Variants in PSD3 observed in about 807,000 individuals in gnomAD.
PSD3 encodes the protein pleckstrin and Sec7 domain containing 3, also known as PH and SEC7 domain-containing protein 3.
PSD3 carries 49 observed loss-of-function variants against 105.5 expected under a neutral mutation model. The ratio of observed to expected loss-of-function variants is 0.46; its 90% CI spans 0.37 to 0.59. The LOEUF (loss-of-function observed/expected upper bound fraction) is 0.59, where lower values mean the gene tolerates loss of function less well. Ranked by LOEUF, PSD3 falls within the 20% of genes least tolerant of loss-of-function variation. PSD3 has a pLI of 0.00. For synonymous variants in PSD3, 557 were observed against 457.8 expected (o/e 1.22, Z -2.77); for missense variants, 1,561 against 1,263.8 (o/e 1.24, Z -3.57).
intron 14 of PSD3, among the ~76,000 whole-genome samples, chr8:18,562,126 A>C (rs1183420315): frequency 6.6e-6 from 1 of 152,156 alleles, no homozygotes; most frequent in Non-Finnish European, 1.5e-5. Flanking sequence ...TCCATCCGCG[A>C]ACCTCACCGA....
chr8:18,734,279 C>T (rs1477465319), intron 9 of PSD3: 2 of 152,102 alleles, frequency 1.3e-5, no homozygotes, highest in African/African-American at 4.8e-5. Flanking sequence ...TTAAAAATAC[C>T]TTCATTCAAA....
chr8:19,005,239 A>T (rs1418082840), intron 1 of PSD3, among the ~76,000 whole-genome samples: 3 of 152,060 alleles, frequency 2.0e-5, no homozygotes, highest in African/African-American at 7.2e-5. Flanking sequence ...TGACCCATCT[A>T]GTCAATGGCA....
intron 1 of PSD3, among the ~76,000 whole-genome samples, chr8:18,991,517 A>G (rs1825806741): frequency 1.3e-5 from 2 of 152,114 alleles, no homozygotes; most frequent in African/African-American, 4.8e-5. Context: ...TGATAGCTGA[A>G]CCACCAGAAT....
intron 12 of PSD3, among the ~76,000 whole-genome samples, chr8:18,582,759 C>T (rs1008958943): frequency 6.6e-5 from 10 of 150,968 alleles, no homozygotes; most frequent in Admixed American, 2.0e-4. Context: ...AATCTGGTCT[C>T]TGTGTCTTTG....
At chr8:18,754,839 C>A (rs1265002744) in intron 9 of PSD3, among the ~76,000 whole-genome samples, 1 of 151,970 alleles carries the variant, frequency 6.6e-6, no homozygotes, top group Non-Finnish European at 1.5e-5. Context: ...GATATTTTGA[C>A]TATATAATTA....
intron 11 of PSD3, among the ~76,000 whole-genome samples, chr8:18,631,274 T>C (rs1297424374): frequency 2.0e-5 from 3 of 152,040 alleles, no homozygotes; most frequent in Non-Finnish European, 4.4e-5. Flanking sequence ...TATTGCTTTG[T>C]GTGCCAAGAA....
intron 9 of PSD3, among the ~76,000 whole-genome samples, chr8:18,713,874 C>G (rs1288778222): frequency 6.6e-6 from 1 of 152,156 alleles, no homozygotes. Context: ...TACCTGAATT[C>G]AAACTATACT....
intron 2 of PSD3, among the ~76,000 whole-genome samples, chr8:18,906,895 T>C (rs1009693354): frequency 1.8e-4 from 27 of 152,148 alleles, no homozygotes; most frequent in African/African-American, 6.0e-4. Flanking sequence ...ATCGTGAAAA[T>C]CCTGACCCTG....
At chr8:18,945,678 T>C (rs897886343) in intron 1 of PSD3, among the ~76,000 whole-genome samples, 1 of 152,158 alleles carries the variant, frequency 6.6e-6, no homozygotes, top group Non-Finnish European at 1.5e-5. Flanking sequence ...CCTTATCTAA[T>C]AAAAAACCAT....
At chr8:18,558,145 C>G (rs1050331387) in intron 14 of PSD3, among the ~76,000 whole-genome samples, 6 of 152,206 alleles carry the variant, frequency 3.9e-5, no homozygotes, top group African/African-American at 1.4e-4. Context: ...TAGATGTCTG[C>G]TATGGAAGCC....
intron 9 of PSD3, among the ~76,000 whole-genome samples, chr8:18,758,832 A>G (rs1422379764): frequency 6.6e-6 from 1 of 152,158 alleles, no homozygotes; most frequent in Non-Finnish European, 1.5e-5. Flanking sequence ...ATAGGTTAAA[A>G]ACGGGATGGA....
chr8:18,597,023 C>G (rs969778030), intron 12 of PSD3, among the ~76,000 whole-genome samples: 1 of 152,156 alleles, frequency 6.6e-6, no homozygotes, highest in Non-Finnish European at 1.5e-5. Context: ...TGCAAGAAAA[C>G]TACTTGCCAA....
At chr8:18,863,695 C>T (rs913995253) in intron 4 of PSD3, among the ~76,000 whole-genome samples, 14 of 152,130 alleles carry the variant, frequency 9.2e-5, no homozygotes, top group African/African-American at 3.4e-4. Context: ...TCACCTTACA[C>T]AGAGTGAGCC....
At chr8:18,864,375 T>G (rs1337501269) in intron 4 of PSD3, among the ~76,000 whole-genome samples, 4 of 152,334 alleles carry the variant, frequency 2.6e-5, no homozygotes, top group African/African-American at 9.6e-5. Flanking sequence ...TAGCTCATTA[T>G]GAGAACGAAG....
intron 8 of PSD3, among the ~76,000 whole-genome samples, chr8:18,771,709 T>G (rs576834354): frequency 5.7e-4 from 87 of 152,340 alleles, no homozygotes; most frequent in African/African-American, 1.9e-3. Context: ...GCTGTTGAGC[T>G]TTATATCAGC....
intron 11 of PSD3, among the ~76,000 whole-genome samples, chr8:18,614,662 T>A (rs919208957): frequency 6.6e-6 from 1 of 152,190 alleles, no homozygotes; most frequent in Non-Finnish European, 1.5e-5. Context: ...TGACATTTCA[T>A]ATACATATTT....
chr8:18,817,745 A>T (rs1199327344), intron 4 of PSD3, among the ~76,000 whole-genome samples: 2 of 152,186 alleles, frequency 1.3e-5, no homozygotes, highest in Non-Finnish European at 2.9e-5. Flanking sequence ...ATCAGCGGAA[A>T]TCATCTGCCA....
chr8:18,566,641 C>T (rs895525949), intron 14 of PSD3, among the ~76,000 whole-genome samples: 10 of 151,944 alleles, frequency 6.6e-5, no homozygotes, highest in Admixed American at 1.3e-4. Context: ...AGTGGGGTGG[C>T]GGAGATCATC....
Position 18,669,793 on chromosome 8 carries a change from G to A in PSD3, c.2173-14108C>T, listed in dbSNP as rs1799677121. On this transcript the variant is annotated intron_variant, in intron 9 of 15. Coordinates refer to ENST00000327040, the MANE Select transcript of PSD3 (RefSeq NM_015310.4). ...GCAGATAAGGGGCGAATCCCGTAAT[G>A]GTATAGCATATGGTATAAGTATTAA... Among the ~76,000 whole-genome samples, 6 of 152,226 alleles carry A rather than the reference G, an allele frequency of 3.9e-5. No individual in the cohort carries two copies. In the South Asian group the frequency reaches 1.2e-3, roughly 32 times the overall value.
Sources: allele counts gnomAD v4.1 joint callset (sites outside exome capture counted in the v4.1 genomes callset), GRCh38; gene constraint gnomAD v4.1.1; transcripts MANE v1.5; gene names NCBI Gene and HGNC (gene_info 2026-07-23, HGNC 2026-07-21).